The following CUX1 variants were observed in gnomAD, a reference collection of about 807,000 sequenced individuals.
CUX1 encodes the protein cut like homeobox 1, also known as protein CASP.
A neutral mutation model predicts 158.8 loss-of-function variants in CUX1; 31 were observed. The observed-to-expected ratio is 0.20, with a 90% confidence interval of 0.15 to 0.26. CUX1 has a LOEUF of 0.26. Ranked by LOEUF, CUX1 falls within the 10% of genes least tolerant of loss-of-function variation. CUX1 has a pLI of 1.00. For missense variants in CUX1, 1,589 were observed against 2,014.6 expected (o/e 0.79, Z 4.04); for synonymous variants, 879 against 862.1 (o/e 1.02, Z -0.34).
chr7:102,229,198 G>A (rs987852322), intron 21 of CUX1, among the ~76,000 whole-genome samples: 8 of 152,092 alleles, frequency 5.3e-5, no homozygotes, highest in Non-Finnish European at 7.4e-5. Context: ...GCCTCGGCCT[G>A]GCACATGCTC....
In CUX1 at chr7:102,252,628, C is replaced by G; in HGVS notation, c.*3586C>G. 5.1e-6 allele frequency: 5 copies of G among 985,412 alleles called. No homozygotes were observed. Among genetic ancestry groups the G allele is most frequent in the Non-Finnish European group, 6.0e-6 (5 of 829,948 alleles). The allele number at this position is 985,412 out of a possible 1,614,324, so 61.0% of individuals were successfully genotyped here. ...GCATTTAGCCTCTTGACCCGGAGTT[C>G]CGGCCCAAGCTCCCTTGTGATAGCC... On this transcript the variant is annotated 3_prime_UTR_variant, in exon 24 of 24. Transcript: ENST00000292535.
intron 18 of CUX1, chr7:102,278,200 C>T (rs1357896915): frequency 9.4e-6 from 5 of 532,406 alleles, no homozygotes; most frequent in East Asian, 3.3e-5. Context: ...TGAGGCCTTC[C>T]GACATCTCCC....
intron 2 of CUX1, among the ~76,000 whole-genome samples, chr7:101,923,297 C>G (rs1046916008): frequency 6.6e-6 from 1 of 152,222 alleles, no homozygotes; most frequent in Non-Finnish European, 1.5e-5. Flanking sequence ...CTGTGTTAGG[C>G]TTGCTTCCAG....
At chr7:101,977,519 G>C (rs779409756) in intron 2 of CUX1, among the ~76,000 whole-genome samples, 1 of 152,150 alleles carries the variant, frequency 6.6e-6, no homozygotes, top group Non-Finnish European at 1.5e-5. Context: ...GTGCACACCT[G>C]TAGTCCCAGC....
At chr7:102,233,913 T>C in intron 21 of CUX1, 139 bp from the exon 22 acceptor site, 1 of 508,494 alleles carries the variant, frequency 2.0e-6, no homozygotes, top group Non-Finnish European at 3.2e-6. Context: ...TACCACATGT[T>C]TGCTGTAAGC....
chr7:102,139,235 A>G (rs1834197106), intron 8 of CUX1, among the ~76,000 whole-genome samples: 1 of 137,152 alleles, frequency 7.3e-6, no homozygotes. Context: ...ACAGAGAGAG[A>G]CTACATCTTA....
intron 6 of CUX1, among the ~76,000 whole-genome samples, chr7:102,109,842 C>G (rs1830707086): frequency 6.6e-6 from 1 of 151,972 alleles, no homozygotes; most frequent in South Asian, 2.1e-4. Flanking sequence ...TGTAATTCCT[C>G]TGTTAGCATT....
intron 2 of CUX1, among the ~76,000 whole-genome samples, chr7:101,976,141 C>T (rs184021366): frequency 6.6e-6 from 1 of 151,840 alleles, no homozygotes; most frequent in Non-Finnish European, 1.5e-5. Context: ...CTAAAACAAA[C>T]AAAAAACCAC....
At chr7:102,050,375 C>T (rs1009299578) in intron 3 of CUX1, among the ~76,000 whole-genome samples, 4 of 152,218 alleles carry the variant, frequency 2.6e-5, no homozygotes, top group East Asian at 1.9e-4. Context: ...CTTCAATAGC[C>T]GTAGTCCCCA....
intron 11 of CUX1, among the ~76,000 whole-genome samples, chr7:102,182,872 G>C (rs544829547): frequency 2.6e-5 from 4 of 152,280 alleles, no homozygotes; most frequent in African/African-American, 9.6e-5. Context: ...TATAAGAAAG[G>C]CTAACTAAAA....
chr7:102,217,365 G>A (rs943705927), intron 20 of CUX1, among the ~76,000 whole-genome samples: 32 of 152,214 alleles, frequency 2.1e-4, no homozygotes, highest in South Asian at 4.1e-4. Flanking sequence ...CCGAATCCCC[G>A]GCAGGTCCCC....
At chr7:101,973,326 C>CA (rs1271983026) in intron 2 of CUX1, among the ~76,000 whole-genome samples, 2 of 152,056 alleles carry the variant, frequency 1.3e-5, no homozygotes, top group African/African-American at 4.8e-5. Flanking sequence ...ATCTCACACT[C>CA]ACGTTCATCA....
chr7:102,190,061 G>A (rs1392219590), intron 12 of CUX1, among the ~76,000 whole-genome samples, 190 bp downstream of exon 12: 1 of 152,248 alleles, frequency 6.6e-6, no homozygotes, highest in Non-Finnish European at 1.5e-5. Flanking sequence ...TTTGCCCTTG[G>A]GCCTGTCCCT....
intron 16 of CUX1, chr7:102,275,205 C>A: frequency 1.3e-6 from 2 of 1,490,592 alleles, no homozygotes; most frequent in Non-Finnish European, 9.2e-7. Context: ...TGCTGGGTTC[C>A]ACCTCCTGCC....
chr7:102,060,648 G>A (rs1824736746), intron 3 of CUX1, among the ~76,000 whole-genome samples: 1 of 59,184 alleles, frequency 1.7e-5, no homozygotes, highest in Non-Finnish European at 3.8e-5. Context: ...CACACACTTT[G>A]CTGCCCAGTC....
intron 2 of CUX1, among the ~76,000 whole-genome samples, chr7:101,934,938 A>T (rs1806739626): frequency 6.6e-6 from 1 of 152,004 alleles, no homozygotes; most frequent in African/African-American, 2.4e-5. Context: ...GCCCGGGGTG[A>T]GGAGCAGGAG....
At chr7:101,965,648 C>T (rs1811090618) in intron 2 of CUX1, among the ~76,000 whole-genome samples, 1 of 151,844 alleles carries the variant, frequency 6.6e-6, no homozygotes, top group African/African-American at 2.4e-5. Flanking sequence ...GAGATCGAGA[C>T]CATCCTGGCT....
intron 12 of CUX1, among the ~76,000 whole-genome samples, chr7:102,191,780 C>T (rs1794306367): frequency 6.6e-6 from 1 of 151,834 alleles, no homozygotes; most frequent in Non-Finnish European, 1.5e-5. Context: ...TCTTCCTCTT[C>T]TTCTTCCTCT....
At chr7:102,137,892 A>G (rs1554499153) in intron 8 of CUX1, among the ~76,000 whole-genome samples, 1 of 152,150 alleles carries the variant, frequency 6.6e-6, no homozygotes, top group Non-Finnish European at 1.5e-5. Context: ...GCCTTAAAAA[A>G]AAAATCTAGT....
Sources: gnomAD v4.1 joint callset for allele counts (sites outside exome capture counted in the v4.1 genomes callset) on GRCh38, gnomAD v4.1.1 for gene constraint, MANE v1.5 for transcripts, NCBI Gene and HGNC (gene_info 2026-07-23, HGNC 2026-07-21) for gene names.